Variants in LCA5 observed in about 807,000 individuals in gnomAD.
LCA5 encodes lebercilin.
Under a neutral mutation model 53.0 loss-of-function variants are expected in LCA5, and 37 were observed. That is an observed-to-expected ratio of 0.70 (90% confidence interval 0.54 to 0.92). LCA5 has a LOEUF of 0.92. Ranked by LOEUF, LCA5 falls within the 40% of genes least tolerant of loss-of-function variation. The pLI, the probability that LCA5 is intolerant of heterozygous loss-of-function variation, is 0.00. For synonymous variants in LCA5, 303 were observed against 282.9 expected, an observed-to-expected ratio of 1.07 and a Z score of -0.71; for missense variants, 806 against 790.5, an observed-to-expected ratio of 1.02 and a Z score of -0.23.
At position 79,490,958 on chromosome 6, in the gene LCA5, C is replaced by G. The variant is rs148809443; in HGVS notation, c.1098+630G>C. ...CAACAGAGACCCCTTGAATTCCACTCTAATTTGAACAGGATAAGGTCAGAT... is the reference window on the plus strand; with the variant it reads ...CAACAGAGACCCCTTGAATTCCACTGTAATTTGAACAGGATAAGGTCAGAT... On this transcript the variant is annotated intron_variant, in intron 6 of 7. Transcript: ENST00000369846. 1.7e-3 allele frequency among the ~76,000 whole-genome samples: 258 copies of G among 151,898 alleles called. 1 individual carries two copies. Among genetic ancestry groups the G allele is most frequent in the African/African-American group, 5.8e-3 (240 of 41,430 alleles).
At chr6:79,511,174 C>CA (rs1400100068) in intron 3 of LCA5, among the ~76,000 whole-genome samples, 2 of 151,996 alleles carry the variant, frequency 1.3e-5, no homozygotes, top group Non-Finnish European at 2.9e-5. Context: ...TATATTCAAA[C>CA]AAAAATGTGC....
intron 1 of LCA5, among the ~76,000 whole-genome samples, chr6:79,536,928 C>A (rs1316315433): frequency 6.6e-6 from 1 of 152,174 alleles, no homozygotes; most frequent in Non-Finnish European, 1.5e-5. Flanking sequence ...GCCGGTCAAC[C>A]TCCCTTCCTC....
At chr6:79,525,594 G>A (rs962646847) in intron 1 of LCA5, among the ~76,000 whole-genome samples, 1 of 152,150 alleles carries the variant, frequency 6.6e-6, no homozygotes, top group Non-Finnish European at 1.5e-5. Flanking sequence ...ATAATTAAAG[G>A]GATCAAAGAG....
At chr6:79,497,391 C>T (rs1194036457) in intron 3 of LCA5, among the ~76,000 whole-genome samples, 1 of 152,168 alleles carries the variant, frequency 6.6e-6, no homozygotes, top group Admixed American at 6.5e-5. Flanking sequence ...CATCATGTGG[C>T]TCCAGATGTG....
At chr6:79,500,133 T>A (rs546462879) in intron 3 of LCA5, among the ~76,000 whole-genome samples, 8 of 152,080 alleles carry the variant, frequency 5.3e-5, no homozygotes, top group Non-Finnish European at 1.2e-4. Context: ...TCTTTGCTAT[T>A]GTGAATAGTG....
At chr6:79,533,060 G>C (rs1475661888) in intron 1 of LCA5, among the ~76,000 whole-genome samples, 1 of 152,160 alleles carries the variant, frequency 6.6e-6, no homozygotes, top group Admixed American at 6.5e-5. Flanking sequence ...GTTTTCCTCA[G>C]AGTCACTGCC....
At chr6:79,490,452 A>G (rs910012243) in intron 6 of LCA5, among the ~76,000 whole-genome samples, 1 of 152,118 alleles carries the variant, frequency 6.6e-6, no homozygotes, top group South Asian at 2.1e-4. Flanking sequence ...CTCCAAGGCT[A>G]TATACTCTTA....
At position 79,517,431 on chromosome 6, in the gene LCA5, C is replaced by T. The variant is rs1766470980; in HGVS notation, c.190+1274G>A. Among the ~76,000 whole-genome samples, 4 of 151,970 alleles carry T rather than the reference C, an allele frequency of 2.6e-5. 1 individual carries two copies. The South Asian group carries it at 8.3e-4, about 32-fold the overall frequency. On this transcript the variant is annotated intron_variant, in intron 2 of 7. Coordinates refer to ENST00000369846, the MANE Select transcript of LCA5 (RefSeq NM_001122769.3). ...TACCCTAGGTATTTCTTGAGACTAA[C>T]AGGCATTTTCTAAGGTTCAACCTTA...
chr6:79,517,777 T>G lies in LCA5; in HGVS notation c.190+928A>C, dbSNP rs114217725. On this transcript the variant is annotated intron_variant, in intron 2 of 7. Transcript: ENST00000369846. ...AAGTAAAAATTTATAAAGACAAACTTAATTATGTCCTTGCTTAAATCCTTT... is the reference window on the plus strand; with the variant it reads ...AAGTAAAAATTTATAAAGACAAACTGAATTATGTCCTTGCTTAAATCCTTT... Among the ~76,000 whole-genome samples the G allele has an allele frequency of 9.9e-3, 1,506 of 152,224 alleles. 33 individuals are homozygous for G. Among genetic ancestry groups the G allele is most frequent in the African/African-American group, 0.035 (1,444 of 41,560 alleles).
At chr6:79,515,775 A>G (rs950891742) in intron 2 of LCA5, among the ~76,000 whole-genome samples, 1 of 152,114 alleles carries the variant, frequency 6.6e-6, no homozygotes, top group Non-Finnish European at 1.5e-5. Context: ...AAGTTTCATT[A>G]AAAAGATAAA....
chr6:79,507,859 T>C (rs2127676542), intron 3 of LCA5, among the ~76,000 whole-genome samples: 1 of 152,306 alleles, frequency 6.6e-6, no homozygotes, highest in South Asian at 2.1e-4. Context: ...GCAGTTCTAC[T>C]GTCCAGCCCA....
At chr6:79,520,814 T>C (rs1234268687) in intron 1 of LCA5, among the ~76,000 whole-genome samples, 1 of 152,134 alleles carries the variant, frequency 6.6e-6, no homozygotes, top group African/African-American at 2.4e-5. Flanking sequence ...ATCTCTAGGA[T>C]ATACAGAGAA....
intron 3 of LCA5, among the ~76,000 whole-genome samples, chr6:79,512,175 G>A (rs1770425614): frequency 2.6e-5 from 4 of 152,078 alleles, no homozygotes; most frequent in African/African-American, 9.7e-5. Context: ...ACTGTTCTGA[G>A]TCCCCACTCC....
chr6:79,524,465 A>G (rs190193700), intron 1 of LCA5, among the ~76,000 whole-genome samples: 4 of 152,332 alleles, frequency 2.6e-5, no homozygotes, highest in Admixed American at 2.0e-4. Context: ...CTTTGAAGAC[A>G]CTGCTTCACT....
intron 3 of LCA5, among the ~76,000 whole-genome samples, chr6:79,512,855 T>C (rs1359762530): frequency 1.3e-5 from 2 of 152,106 alleles, no homozygotes; most frequent in East Asian, 3.9e-4. Flanking sequence ...TGTGCATAAA[T>C]ATAAAAACAG....
At chr6:79,528,405 C>T (rs147868988) in intron 1 of LCA5, among the ~76,000 whole-genome samples, 18 of 152,230 alleles carry the variant, frequency 1.2e-4, no homozygotes, top group African/African-American at 4.1e-4. Context: ...CCAGTGCTAA[C>T]GTCATGTGGT....
chr6:79,538,443 C>T (rs957067089), upstream of LCA5, among the ~76,000 whole-genome samples: 3 of 152,098 alleles, frequency 2.0e-5, no homozygotes, highest in Non-Finnish European at 2.9e-5. Context: ...ACTAACCCAC[C>T]CAAACAATAT....
In LCA5 at chr6:79,513,257, T is replaced by G. The variant is rs764283007; in HGVS notation, c.675A>C (p.Leu225=). The G allele has an allele frequency of 6.2e-7, 1 of 1,613,742 alleles. No individual in the cohort carries two copies. Among genetic ancestry groups the G allele is most frequent in the Non-Finnish European group, 8.5e-7 (1 of 1,179,776 alleles). ...CATCTAACTTTAACTCTGCTGAAAC[T>G]AGTTTCTTTGCCAAATCATCTCGTT... ...LPERDDLAKK[L]VSAELKLDDT... The change falls in exon 3 of 8, where the codon CTA becomes CTC. Residue 225 remains leucine (L), a synonymous_variant. Transcript: ENST00000369846.
Position 79,516,126 on chromosome 6 carries a change from T to G in LCA5, c.191-2385A>C, listed in dbSNP as rs200108641. ...ATATTATTAAAATTAATTTCATTTG[T>G]TTTTTTTTTAACCTGGTTACTAGAA... On this transcript the variant is annotated intron_variant, in intron 2 of 7. Coordinates refer to ENST00000369846, the MANE Select transcript of LCA5 (RefSeq NM_001122769.3). 7.7e-5 allele frequency among the ~76,000 whole-genome samples: 11 copies of G among 143,550 alleles called. No individual in the cohort carries two copies. In the East Asian group the frequency reaches 2.1e-3, roughly 28 times the overall value. 94.2% of individuals were successfully genotyped at this position (143,550 alleles called of 152,430 possible).
Sources: allele counts gnomAD v4.1 joint callset (sites outside exome capture counted in the v4.1 genomes callset), GRCh38; gene constraint gnomAD v4.1.1; transcripts MANE v1.5; gene names NCBI Gene and HGNC (gene_info 2026-07-23, HGNC 2026-07-21).